Variants in SOX5 observed in about 807,000 individuals in gnomAD.
SOX5 encodes SRY-box transcription factor 5.
Under a neutral mutation model 92.0 loss-of-function variants are expected in SOX5, and 9 were observed. The observed-to-expected ratio is 0.10, with a 90% CI of 0.06 to 0.17. SOX5 has a LOEUF of 0.17. Ranked by LOEUF, SOX5 falls within the 10% of genes least tolerant of loss-of-function variation. The probability of loss-of-function intolerance (pLI) is 1.00; values close to 1 mark genes in which losing one functional copy is unlikely to be tolerated. For synonymous variants in SOX5, 344 were observed against 336.3 expected (o/e 1.02, Z -0.25); for missense variants, 642 against 944.5 (o/e 0.68, Z 4.20).
chr12:24,168,140 A>G (rs942932216), intron 4 of SOX5, among the ~76,000 whole-genome samples: 1 of 152,238 alleles, frequency 6.6e-6, no homozygotes, highest in Non-Finnish European at 1.5e-5. Context: ...TTGGAAAACT[A>G]GTTGACCTGA....
At chr12:24,264,539 G>T (rs1942732049) in intron 3 of SOX5, among the ~76,000 whole-genome samples, 2 of 152,092 alleles carry the variant, frequency 1.3e-5, no homozygotes, top group Admixed American at 6.5e-5. Flanking sequence ...GAGTCAAATA[G>T]GTGAGTTCAT....
intron 4 of SOX5, among the ~76,000 whole-genome samples, chr12:23,991,044 G>GAA (rs36120865): frequency 5.3e-5 from 8 of 150,020 alleles, no homozygotes; most frequent in Non-Finnish European, 7.4e-5. Flanking sequence ...TCGTAATACT[G>GAA]AAAAAAAAAT....
intron 9 of SOX5, among the ~76,000 whole-genome samples, chr12:23,601,045 A>G (rs767063642): frequency 2.0e-5 from 3 of 152,120 alleles, no homozygotes; most frequent in Non-Finnish European, 4.4e-5. Flanking sequence ...AGTGAAATCA[A>G]TGTCTTGGAT....
At chr12:23,793,905 T>C (rs1165043559) in intron 3 of SOX5, among the ~76,000 whole-genome samples, 1 of 152,186 alleles carries the variant, frequency 6.6e-6, no homozygotes, top group Non-Finnish European at 1.5e-5. Flanking sequence ...ACCTAGGTAC[T>C]AGCAATTTAC....
At chr12:23,689,747 G>C (rs1663725356) in intron 6 of SOX5, among the ~76,000 whole-genome samples, 1 of 152,088 alleles carries the variant, frequency 6.6e-6, no homozygotes, top group African/African-American at 2.4e-5. Context: ...GTTAAGGAAA[G>C]ATACAAGGAG....
intron 1 of SOX5, among the ~76,000 whole-genome samples, chr12:23,923,276 T>A (rs982917863): frequency 2.1e-5 from 3 of 142,918 alleles, no homozygotes; most frequent in Admixed American, 7.3e-5. Context: ...AAGGATGAGG[T>A]TAAACCACCC....
chr12:24,020,976 G>C (rs1158119614), intron 4 of SOX5, among the ~76,000 whole-genome samples: 1 of 152,124 alleles, frequency 6.6e-6, no homozygotes, highest in Non-Finnish European at 1.5e-5. Flanking sequence ...GAGTAAGTTG[G>C]ACACTGTTGG....
rs2097172464 is a variant in SOX5, at chr12:23,895,894, T to G, written c.169A>C (p.Ser57Arg). 6.2e-7 allele frequency: 1 copy of G among 1,613,952 alleles called. No homozygotes were observed. The highest frequency in any genetic ancestry group is 8.5e-7 in the Non-Finnish European group (1 of 1,179,998). The change falls in exon 2 of 15, where the codon AGT (serine) becomes CGT (arginine). Residue 57 changes from serine (S) to arginine (R), a missense_variant. Transcript: ENST00000451604. ...TCAGAGTGAGGCTTGTTGGGAAAAC[T>G]CACATGCAAGGGAAGGTGAAAGGCT... Reference protein sequence around the residue: ...LPAFHLPLHVSFPNKPHSEEF... With the variant: ...LPAFHLPLHVRFPNKPHSEEF...
chr12:23,684,814 T>A (rs1201038468), intron 6 of SOX5, among the ~76,000 whole-genome samples: 2 of 152,126 alleles, frequency 1.3e-5, no homozygotes, highest in Non-Finnish European at 2.9e-5. Context: ...TGGCTTAATG[T>A]CAACCTTCAT....
intron 4 of SOX5, among the ~76,000 whole-genome samples, chr12:24,120,022 A>G (rs1362392164): frequency 6.6e-6 from 1 of 152,170 alleles, no homozygotes; most frequent in Admixed American, 6.5e-5. Context: ...TTATTGCTGT[A>G]TAGTTTTCCA....
At chr12:23,881,722 G>T (rs2096992334) in intron 2 of SOX5, among the ~76,000 whole-genome samples, 1 of 152,124 alleles carries the variant, frequency 6.6e-6, no homozygotes, top group Admixed American at 6.5e-5. Flanking sequence ...CATAAATCTA[G>T]TAATAAAACA....
chr12:24,529,704 G>T (rs1052799418), intron 1 of SOX5, among the ~76,000 whole-genome samples: 42 of 152,124 alleles, frequency 2.8e-4, no homozygotes, highest in Middle Eastern at 3.2e-3. Flanking sequence ...ATCGCTTGCA[G>T]AGCTAGTGCT....
chr12:24,264,177 A>G (rs1006356550), intron 3 of SOX5, among the ~76,000 whole-genome samples: 3 of 152,128 alleles, frequency 2.0e-5, no homozygotes, highest in African/African-American at 4.8e-5. Context: ...TTGAGCTTCC[A>G]TTTCTGTCCA....
chr12:23,657,469 A>G (rs1046235401), intron 7 of SOX5, among the ~76,000 whole-genome samples: 2 of 152,136 alleles, frequency 1.3e-5, no homozygotes, highest in Non-Finnish European at 2.9e-5. Context: ...TTGTTTTACT[A>G]AATATTTTTC....
rs1265654637 is a variant in SOX5, at chr12:23,939,869, T to C, written c.38+9695A>G. Among the ~76,000 whole-genome samples, 14 of 151,222 alleles carry C rather than the reference T, an allele frequency of 9.3e-5. No individual in the cohort carries two copies. The South Asian group carries it at 2.5e-3, about 27-fold the overall frequency. Reference sequence around the variant, plus strand: ...ATAATGCATATCAAATTGGCTGGCCTGGTAATGCTAATAGTTATTTATTTT... The same window carrying C: ...ATAATGCATATCAAATTGGCTGGCCCGGTAATGCTAATAGTTATTTATTTT... On this transcript the variant is annotated intron_variant, in intron 1 of 14. Coordinates refer to ENST00000451604, the MANE Select transcript of SOX5 (RefSeq NM_006940.6).
At chr12:23,912,538 AG>A (rs1420367665) in intron 1 of SOX5, among the ~76,000 whole-genome samples, 1 of 152,226 alleles carries the variant, frequency 6.6e-6, no homozygotes, top group East Asian at 1.9e-4. Context: ...TTGTACCCAA[AG>A]GTACATAACA....
intron 2 of SOX5, among the ~76,000 whole-genome samples, chr12:24,343,417 A>G (rs1354009558): frequency 6.6e-6 from 1 of 151,530 alleles, no homozygotes; most frequent in Non-Finnish European, 1.5e-5. Flanking sequence ...AGCTAAACTG[A>G]GGACACAAAA....
chr12:23,586,047 G>T (rs1429425629), intron 9 of SOX5, among the ~76,000 whole-genome samples: 1 of 151,878 alleles, frequency 6.6e-6, no homozygotes, highest in Non-Finnish European at 1.5e-5. Context: ...CCAGAAATCC[G>T]CTTGAACATC....
At chr12:24,413,966 C>A (rs1596404182) in intron 1 of SOX5, among the ~76,000 whole-genome samples, 1 of 152,132 alleles carries the variant, frequency 6.6e-6, no homozygotes, top group Non-Finnish European at 1.5e-5. Flanking sequence ...TTTCTATATT[C>A]CCTGATTCAT....
Sources: gnomAD v4.1 joint callset for allele counts (sites outside exome capture counted in the v4.1 genomes callset) on GRCh38, gnomAD v4.1.1 for gene constraint, MANE v1.5 for transcripts, NCBI Gene and HGNC (gene_info 2026-07-23, HGNC 2026-07-21) for gene names.